Variants in ATP4B observed in about 807,000 individuals in gnomAD.
The protein encoded by ATP4B is ATPase H+/K+ transporting subunit beta.
Under a neutral mutation model 35.3 loss-of-function variants are expected in ATP4B, and 27 were observed. That is an observed-to-expected ratio of 0.76 (90% CI 0.56 to 1.05). ATP4B has a LOEUF of 1.05. Among genes scored for constraint, ATP4B ranks in the 50% least tolerant of loss-of-function variants. The pLI is 0.00. For synonymous variants in ATP4B, 162 were observed against 156.0 expected (o/e 1.04, Z -0.29); for missense variants, 375 against 384.8 (o/e 0.97, Z 0.21).
chr13:113,651,938 A>G (rs1594561361), intron 4 of ATP4B, among the ~76,000 whole-genome samples: 1 of 149,152 alleles, frequency 6.7e-6, no homozygotes, highest in Admixed American at 6.6e-5. Flanking sequence ...CCCTCCCCCC[A>G]CCCACCCATC....
chr13:113,658,102 C>G lies in ATP4B; in HGVS notation c.43G>C (p.Glu15Gln). Residue 15 changes from glutamate (E) to glutamine (Q), a missense_variant, in exon 1 of 7, where the codon GAG (glutamate) becomes CAG (glutamine). Transcript: ENST00000335288. ...QEKKTCGQRM[E>Q]EFQRYCWNPD... ...TTCCAGCAGTAACGCTGGAACTCCTCCATGCGCTGGCCACACGTCTTCTTC... is the reference window on the plus strand; with the variant it reads ...TTCCAGCAGTAACGCTGGAACTCCTGCATGCGCTGGCCACACGTCTTCTTC... 1.2e-6 allele frequency: 2 copies of G among 1,612,804 alleles called. No individual in the cohort carries two copies. Among genetic ancestry groups the G allele is most frequent in the Non-Finnish European group, 1.7e-6 (2 of 1,179,782 alleles).
At chr13:113,652,232 C>T (rs754477488) in intron 4 of ATP4B, among the ~76,000 whole-genome samples, 2 of 152,236 alleles carry the variant, frequency 1.3e-5, no homozygotes, top group East Asian at 1.9e-4. Flanking sequence ...GTGGCCACCA[C>T]GCCCTGCTGG....
In ATP4B at chr13:113,658,083, CA is replaced by C; in HGVS notation, c.61del (p.Cys21AlafsTer30). The C allele has an allele frequency of 2.5e-6, 4 of 1,612,136 alleles. No individual in the cohort carries two copies. The highest frequency in any genetic ancestry group is 3.4e-6 in the Non-Finnish European group (4 of 1,179,574). On this transcript the variant is annotated frameshift_variant, in exon 1 of 7. Transcript: ENST00000335288. LOFTEE classifies it high-confidence loss of function. ...CATCTGCCCCGTGTCCGGGTTCCAG[CA>C]GTAACGCTGGAACTCCTCCATGCGC... Reference protein sequence around the residue: ...GQRMEEFQRYCWNPDTGQMLG... With the variant: ...GQRMEEFQRYXWNPDTGQMLG...
intron 4 of ATP4B, 179 bp downstream of exon 4, chr13:113,652,694 A>G (rs1321888413): frequency 5.5e-6 from 4 of 726,250 alleles, no homozygotes; most frequent in Non-Finnish European, 7.4e-6. Flanking sequence ...TCAAATTTGT[A>G]TCTAAGAACC....
chr13:113,649,460 T>C lies in ATP4B; in HGVS notation c.790A>G (p.Lys264Glu). 8 of 1,567,258 alleles carry C rather than the reference T, an allele frequency of 5.1e-6. No homozygotes were observed. The highest frequency in any genetic ancestry group is 6.9e-6 in the Non-Finnish European group (8 of 1,154,026). The part of the protein sequence containing the change: ...PRNAEVAIVC[K>E]VMAEHVTFNN... ...AAGGTCACGTGCTCCGCCATGACCTTGCACACGATGGCGACCTCAGCGTTC... is the reference window on the plus strand; with the variant it reads ...AAGGTCACGTGCTCCGCCATGACCTCGCACACGATGGCGACCTCAGCGTTC... The change falls in exon 7 of 7, where the codon AAG (lysine) becomes GAG (glutamate). Residue 264 changes from lysine to glutamate, a missense_variant. Physicochemically the swap from Lys to Glu is moderately conservative, Grantham distance 56. Transcript: ENST00000335288. This position sits in a 1 kb window ranked among gnomAD's most constrained non-coding sequence, Gnocchi z 4.7.
rs1293575677 is a variant in ATP4B, at chr13:113,657,331, C to T, written c.112+702G>A. 2.6e-5 allele frequency among the ~76,000 whole-genome samples: 4 copies of T among 152,350 alleles called. No individual in the cohort carries two copies. In the East Asian group the frequency reaches 5.8e-4, roughly 22 times the overall value. On this transcript the variant is annotated intron_variant, in intron 1 of 6. Coordinates refer to ENST00000335288, the MANE Select transcript of ATP4B (RefSeq NM_000705.4). Reference sequence around the variant, plus strand: ...CAGGGGTCGCAGGGGGAGGTGGGGGCGCACAGGTGCTTCCTCCAGACTCTC... The same window carrying T: ...CAGGGGTCGCAGGGGGAGGTGGGGGTGCACAGGTGCTTCCTCCAGACTCTC...
At chr13:113,652,834 C>T in intron 4 of ATP4B, 39 bp downstream of exon 4, 1 of 1,607,558 alleles carries the variant, frequency 6.2e-7, no homozygotes, top group East Asian at 2.2e-5. Context: ...CCTGACTGCA[C>T]TGTTGTAGTG....
rs771206936 is a variant in ATP4B at position 113,654,855 on chromosome 13, TC to T, written c.199del (p.Asp67ThrfsTer16). The part of the protein sequence containing the change: ...LCLYVLMQTV[D>X]PYTPDYQDQL... Reference sequence around the variant, plus strand: ...GTCTTGGTAGTCCGGTGTGTACGGGTCCACTGTCTGCATCAGCACATAGAGG... The same window carrying T: ...GTCTTGGTAGTCCGGTGTGTACGGGTCACTGTCTGCATCAGCACATAGAGG... On this transcript the variant is annotated frameshift_variant, in exon 2 of 7. Transcript: ENST00000335288. LOFTEE classifies it high-confidence loss of function. 48 of 1,613,938 alleles carry T rather than the reference TC, an allele frequency of 3.0e-5. No homozygotes were observed. Among genetic ancestry groups the T allele is most frequent in the Non-Finnish European group, 4.0e-5 (47 of 1,180,026 alleles).
rs529975491 is a variant in ATP4B at position 113,656,747 on chromosome 13, C to T, written c.112+1286G>A. 3.9e-5 allele frequency among the ~76,000 whole-genome samples: 6 copies of T among 152,258 alleles called. No homozygotes were observed. In the East Asian group the frequency reaches 5.8e-4, roughly 15 times the overall value. ...GGCCCTAAGACTTTCTTATCCCAAA[C>T]GGAGGCCATGTCTACCGGCCAGGCA... On this transcript the variant is annotated intron_variant, in intron 1 of 6. Coordinates refer to ENST00000335288, the MANE Select transcript of ATP4B (RefSeq NM_000705.4).
intron 4 of ATP4B, among the ~76,000 whole-genome samples, chr13:113,652,132 C>G (rs964551165): frequency 8.5e-5 from 13 of 152,224 alleles, no homozygotes; most frequent in Non-Finnish European, 1.9e-4. Context: ...GGCCTTCAGC[C>G]CCCTTCCCCA....
At chr13:113,654,361 C>T (rs949621004) in intron 2 of ATP4B, among the ~76,000 whole-genome samples, 2 of 152,228 alleles carry the variant, frequency 1.3e-5, no homozygotes, top group African/African-American at 4.8e-5. Flanking sequence ...TTGCACCCTG[C>T]TGATGTGTAG....
chr13:113,649,403 C>T lies in ATP4B; in HGVS notation c.847G>A (p.Val283Met), dbSNP rs1389029148. Residue 283 changes from valine to methionine, a missense_variant, in exon 7 of 7, where the codon GTG becomes ATG. By Grantham distance (21) the Val-to-Met change is conservative (BLOSUM62 1). Coordinates refer to ENST00000335288, the MANE Select transcript of ATP4B (RefSeq NM_000705.4). This position sits in a 1 kb window ranked among gnomAD's most constrained non-coding sequence, Gnocchi z 4.7. ...TTCTCAATCTTGAGTTTGAACTCCA[C>T]TTTCCCTTCATACGGGTCGTGGGGA... Reference protein sequence around the residue: ...NNPHDPYEGKVEFKLKIEK With the variant: ...NNPHDPYEGKMEFKLKIEK 3.1e-6 allele frequency: 5 copies of T among 1,594,716 alleles called. No homozygotes were observed. The highest frequency in any genetic ancestry group is 4.3e-6 in the Non-Finnish European group (5 of 1,169,344).
intron 1 of ATP4B, among the ~76,000 whole-genome samples, chr13:113,655,369 A>G (rs999814631): frequency 1.2e-4 from 19 of 152,206 alleles, no homozygotes; most frequent in Non-Finnish European, 1.9e-4. Context: ...ATGGTGACCC[A>G]TAGTGCAGCC....
At chr13:113,658,001 A>G (rs777125098) in intron 1 of ATP4B, 32 bp downstream of exon 1, 1 of 1,547,030 alleles carries the variant, frequency 6.5e-7, no homozygotes, top group East Asian at 2.4e-5. Flanking sequence ...GGCCCCCTCC[A>G]TGCACCCAGC....
intron 1 of ATP4B, among the ~76,000 whole-genome samples, chr13:113,657,807 C>G (rs1460568944): frequency 6.6e-6 from 1 of 152,258 alleles, no homozygotes; most frequent in African/African-American, 2.4e-5. Context: ...CACCGGCGTT[C>G]TGCAGCTGGG....
chr13:113,649,668 G>T lies in ATP4B; in HGVS notation c.715-133C>A. On this transcript the variant is annotated intron_variant, in intron 6 of 6. Transcript: ENST00000335288. This position sits in a 1 kb window ranked among gnomAD's most constrained non-coding sequence, Gnocchi z 4.7. ...CTTTTGTGTAAGACTGGCCCTGACC[G>T]AGTGCATGCCCTGGAATTTGCTGAG... 2.9e-6 allele frequency: 3 copies of T among 1,025,486 alleles called. No homozygotes were observed. The highest frequency in any genetic ancestry group is 4.0e-6 in the Non-Finnish European group (3 of 748,706). The allele number at this position is 1,025,486 out of a possible 1,614,324, so 63.5% of individuals were successfully genotyped here.
At position 113,653,012 on chromosome 13, in the gene ATP4B, T is replaced by C; in HGVS notation, c.416A>G (p.Gln139Arg). 6.2e-7 allele frequency: 1 copy of C among 1,614,144 alleles called. No individual in the cohort carries two copies. The highest frequency in any genetic ancestry group is 8.5e-7 in the Non-Finnish European group (1 of 1,179,990). Residue 139 changes from glutamine (Q) to arginine (R), a missense_variant, in exon 4 of 7, where the codon CAG becomes CGG. By Grantham distance (43) the Gln-to-Arg change is conservative. Coordinates refer to ENST00000335288, the MANE Select transcript of ATP4B (RefSeq NM_000705.4). ...INCTSEQYFFQESFRAPNHTK... is the reference protein window; with the variant it reads ...INCTSEQYFFRESFRAPNHTK... Reference sequence around the variant, plus strand: ...GTGGTTGGGAGCGCGGAAACTCTCCTGGAAGAAGTACTGCTCGGAGGTGCA... The same window carrying C: ...GTGGTTGGGAGCGCGGAAACTCTCCCGGAAGAAGTACTGCTCGGAGGTGCA...
At chr13:113,655,788 T>C (rs1289425598) in intron 1 of ATP4B, among the ~76,000 whole-genome samples, 1 of 152,222 alleles carries the variant, frequency 6.6e-6, no homozygotes. Flanking sequence ...GTGGCATGGA[T>C]TCTGCTTAGT....
chr13:113,656,970 C>A (rs1246993159), intron 1 of ATP4B, among the ~76,000 whole-genome samples: 4 of 152,202 alleles, frequency 2.6e-5, no homozygotes, highest in Non-Finnish European at 1.5e-5. Context: ...GCCCTTCTGC[C>A]CCCGGTCCCT....
Sources: gnomAD v4.1 joint callset for allele counts (sites outside exome capture counted in the v4.1 genomes callset) on GRCh38, gnomAD v4.1.1 for gene constraint, Gnocchi (gnomAD v3.1) non-coding constraint, MANE v1.5 for transcripts, NCBI Gene and HGNC (gene_info 2026-07-23, HGNC 2026-07-21) for gene names.